FILIP1: variants seen among roughly 807,000 people sequenced by gnomAD.
FILIP1 encodes the protein filamin-A-interacting protein 1.
FILIP1 carries 61 observed loss-of-function variants against 102.1 expected under a neutral mutation model. The observed-to-expected ratio is 0.60, with a 90% CI of 0.49 to 0.74. The LOEUF (loss-of-function observed/expected upper bound fraction) is 0.74. Among genes scored for constraint, FILIP1 ranks in the 30% least tolerant of loss-of-function variants. The probability of loss-of-function intolerance (pLI) is 0.00; values close to 1 mark genes in which losing one functional copy is unlikely to be tolerated. For missense variants in FILIP1, 1,314 were observed against 1,441.2 expected, an observed-to-expected ratio of 0.91 and a Z score of 1.43; for synonymous variants, 491 against 526.9, an observed-to-expected ratio of 0.93 and a Z score of 0.93.
chr6:75,314,658 C>G lies in FILIP1; in HGVS notation c.1174G>C (p.Gly392Arg), dbSNP rs960539845. 21 of 1,613,524 alleles carry G rather than the reference C, an allele frequency of 1.3e-5. No homozygotes were observed. Among genetic ancestry groups the G allele is most frequent in the Non-Finnish European group, 1.7e-5 (20 of 1,179,944 alleles). ...GTTTTAGTGATCTCCTCATCTTTAC[C>G]TTCCATTTCAAGCACACGCTTTCGA... Reference protein sequence around the residue: ...NLRKRVLEMEGKDEEITKTES... With the variant: ...NLRKRVLEMERKDEEITKTES... The change falls in exon 5 of 6, where the codon GGT (glycine) becomes CGT (arginine). Residue 392 changes from glycine to arginine, a missense_variant. Transcript: ENST00000237172.
At chr6:75,353,124 G>A (rs971946719) in intron 4 of FILIP1, among the ~76,000 whole-genome samples, 4 of 151,646 alleles carry the variant, frequency 2.6e-5, no homozygotes, top group African/African-American at 9.7e-5. Context: ...GTTAACGGGT[G>A]CAGCACACCA....
At position 75,312,671 on chromosome 6, in the gene FILIP1, T is replaced by G; in HGVS notation, c.3161A>C (p.Asn1054Thr). The G allele has an allele frequency of 6.2e-7, 1 of 1,614,084 alleles. No homozygotes were observed. The highest frequency in any genetic ancestry group is 2.2e-5 in the East Asian group (1 of 44,876). The change falls in exon 5 of 6, where the codon AAC becomes ACC. Residue 1054 changes from asparagine (N) to threonine (T), a missense_variant. Physicochemically the swap from Asn to Thr is moderately conservative, Grantham distance 65 (BLOSUM62 0). Transcript: ENST00000237172. ...TGTGGTTATGATATTGGCATTGGAG[T>G]TGTATTTCCGTACTGGAGTTGGAAC... ...QTVPTPVRKYNSNANIITTED... is the reference protein window; with the variant it reads ...QTVPTPVRKYTSNANIITTED...
At chr6:75,478,731 C>G (rs1779559656) in intron 1 of FILIP1, among the ~76,000 whole-genome samples, 2 of 152,194 alleles carry the variant, frequency 1.3e-5, no homozygotes, top group African/African-American at 4.8e-5. Context: ...TTTAAACTTT[C>G]TGGGTCTCAG....
At chr6:75,482,734 A>G (rs1449817260) in intron 1 of FILIP1, among the ~76,000 whole-genome samples, 1 of 152,230 alleles carries the variant, frequency 6.6e-6, no homozygotes, top group Admixed American at 6.5e-5. Flanking sequence ...AAAACTGAGA[A>G]GCAGAGAAAT....
chr6:75,403,514 CAAAAAA>C (rs766214016), intron 2 of FILIP1, among the ~76,000 whole-genome samples: 2 of 28,836 alleles, frequency 6.9e-5, no homozygotes, highest in African/African-American at 4.0e-4. Context: ...CTCTGTCCCA[CAAAAAA>C]AAAAAAAAAA....
intron 4 of FILIP1, among the ~76,000 whole-genome samples, chr6:75,324,075 G>A (rs1773751143): frequency 6.6e-6 from 1 of 152,104 alleles, no homozygotes; most frequent in African/African-American, 2.4e-5. Context: ...GTAGCAGTGT[G>A]AAAATGGACT....
chr6:75,447,967 A>G (rs899613723), intron 1 of FILIP1, among the ~76,000 whole-genome samples: 2 of 152,100 alleles, frequency 1.3e-5, no homozygotes, highest in African/African-American at 4.8e-5. Context: ...CTTTTCAAAC[A>G]TAAAAAAAAA....
At chr6:75,321,623 T>A (rs1468896135) in intron 4 of FILIP1, among the ~76,000 whole-genome samples, 1 of 151,956 alleles carries the variant, frequency 6.6e-6, no homozygotes, top group Non-Finnish European at 1.5e-5. Flanking sequence ...TGAAACCCCG[T>A]CTCTACTAAA....
At chr6:75,359,190 G>C (rs1775100145) in intron 3 of FILIP1, among the ~76,000 whole-genome samples, 1 of 152,044 alleles carries the variant, frequency 6.6e-6, no homozygotes, top group South Asian at 2.1e-4. Flanking sequence ...ATTTTTAGTA[G>C]AGATGGGGTT....
intron 1 of FILIP1, among the ~76,000 whole-genome samples, chr6:75,486,635 G>C (rs980787076): frequency 5.3e-5 from 8 of 151,970 alleles, no homozygotes; most frequent in African/African-American, 1.7e-4. Flanking sequence ...AAATTGCCTG[G>C]ATTTGGATTT....
intron 1 of FILIP1, among the ~76,000 whole-genome samples, chr6:75,456,301 C>G (rs1778824343): frequency 6.6e-6 from 1 of 152,116 alleles, no homozygotes; most frequent in South Asian, 2.1e-4. Flanking sequence ...TTATCCAGCC[C>G]AAAATGCCAA....
intron 1 of FILIP1, among the ~76,000 whole-genome samples, chr6:75,415,195 A>C (rs1335109228): frequency 1.3e-5 from 2 of 152,152 alleles, no homozygotes; most frequent in African/African-American, 4.8e-5. Context: ...CAAATGATCA[A>C]GGTCAGTATC....
At chr6:75,468,960 T>A (rs1779253180) in intron 1 of FILIP1, among the ~76,000 whole-genome samples, 1 of 152,074 alleles carries the variant, frequency 6.6e-6, no homozygotes, top group South Asian at 2.1e-4. Context: ...CATTCAAGAA[T>A]GAAAATGAAA....
At chr6:75,428,749 G>C (rs779226009) in intron 1 of FILIP1, among the ~76,000 whole-genome samples, 1 of 152,174 alleles carries the variant, frequency 6.6e-6, no homozygotes, top group South Asian at 2.1e-4. Context: ...CCCTGCTTGA[G>C]AGTTTAGACT....
intron 1 of FILIP1, among the ~76,000 whole-genome samples, chr6:75,461,961 T>C (rs181428619): frequency 1.2e-4 from 18 of 152,250 alleles, no homozygotes; most frequent in Admixed American, 9.8e-4. Context: ...AAGTGAGGCA[T>C]GAAAAGCAAA....
chr6:75,373,702 T>A (rs1775652902), intron 2 of FILIP1, among the ~76,000 whole-genome samples: 1 of 70,186 alleles, frequency 1.4e-5, no homozygotes, highest in Non-Finnish European at 2.8e-5. Context: ...CTAGAGATTA[T>A]GTTTTTGAAA....
chr6:75,306,984 G>A (rs956197217), downstream of FILIP1, among the ~76,000 whole-genome samples: 1 of 152,044 alleles, frequency 6.6e-6, no homozygotes, highest in African/African-American at 2.4e-5. Flanking sequence ...TGTATTTTTA[G>A]TAGAGATGGG....
chr6:75,424,797 A>G (rs1408137764), intron 1 of FILIP1, among the ~76,000 whole-genome samples: 1 of 152,172 alleles, frequency 6.6e-6, no homozygotes, highest in African/African-American at 2.4e-5. Context: ...GGATGATATC[A>G]TTGCTTTATG....
At chr6:75,418,986 C>T (rs973654910) in intron 1 of FILIP1, among the ~76,000 whole-genome samples, 3 of 152,114 alleles carry the variant, frequency 2.0e-5, no homozygotes, top group South Asian at 4.2e-4. Context: ...TTTTCATCTG[C>T]GTCCCCCCCA....
Sources: allele counts gnomAD v4.1 joint callset (sites outside exome capture counted in the v4.1 genomes callset), GRCh38; gene constraint gnomAD v4.1.1; transcripts MANE v1.5; gene names NCBI Gene and HGNC (gene_info 2026-07-23, HGNC 2026-07-21).